The following ARMC8 variants were observed in gnomAD, a reference collection of about 807,000 sequenced individuals.
ARMC8 encodes armadillo repeat-containing protein 8.
In ARMC8, 20 loss-of-function variants were observed where a neutral mutation model predicts 99.3. The observed-to-expected ratio is 0.20, with a 90% CI of 0.14 to 0.29. The LOEUF (loss-of-function observed/expected upper bound fraction) is 0.29. Among genes scored for constraint, ARMC8 ranks in the 10% least tolerant of loss-of-function variants. The pLI, the probability that ARMC8 is intolerant of heterozygous loss-of-function variation, is 1.00. For synonymous variants in ARMC8, 263 were observed against 278.3 expected, an observed-to-expected ratio of 0.95 and a Z score of 0.55; for missense variants, 569 against 809.5, an observed-to-expected ratio of 0.70 and a Z score of 3.60.
At chr3:138,287,566 T>G in intron 19 of ARMC8, 1 of 453,580 alleles carries the variant, frequency 2.2e-6, no homozygotes, top group Non-Finnish European at 4.4e-6. Context: ...AGCTCATTTA[T>G]TCAACAAATA....
At chr3:138,285,710 C>G (rs1198514320) in intron 19 of ARMC8, among the ~76,000 whole-genome samples, 1 of 152,166 alleles carries the variant, frequency 6.6e-6, no homozygotes, top group Admixed American at 6.5e-5. Flanking sequence ...AGCGTAAGTT[C>G]CATGAGGGCA....
chr3:138,245,554 C>T, intron 12 of ARMC8: 1 of 1,086,156 alleles, frequency 9.2e-7, no homozygotes, highest in Non-Finnish European at 1.1e-6. Flanking sequence ...TATGGAAATA[C>T]CTTCCAATGC....
intron 1 of ARMC8, among the ~76,000 whole-genome samples, chr3:138,193,304 G>A (rs1463411258): frequency 6.7e-6 from 1 of 148,398 alleles, no homozygotes; most frequent in South Asian, 2.2e-4. Context: ...TCTGTCATCC[G>A]GGCTGGAGTG....
At chr3:138,274,868 A>G (rs2049127050) in intron 18 of ARMC8, among the ~76,000 whole-genome samples, 1 of 152,196 alleles carries the variant, frequency 6.6e-6, no homozygotes, top group African/African-American at 2.4e-5. Flanking sequence ...TTCCAGGATA[A>G]ATAAATAGTG....
chr3:138,223,948 A>T (rs143695605), intron 5 of ARMC8, among the ~76,000 whole-genome samples: 539 of 142,684 alleles, frequency 3.8e-3, no homozygotes, highest in African/African-American at 0.012. Context: ...ACATAACAAG[A>T]CTCCATCTCT....
intron 11 of ARMC8, 87 bp downstream of exon 11, chr3:138,242,070 A>G: frequency 1.9e-6 from 2 of 1,048,926 alleles, no homozygotes; most frequent in Non-Finnish European, 2.9e-6. Flanking sequence ...ATTGATAACT[A>G]CAGCTTAAAG....
intron 5 of ARMC8, among the ~76,000 whole-genome samples, chr3:138,227,751 G>A (rs1265634994): frequency 6.6e-6 from 1 of 152,076 alleles, no homozygotes; most frequent in Non-Finnish European, 1.5e-5. Flanking sequence ...GTGGACCAGT[G>A]GCATCAGCCT....
intron 17 of ARMC8, among the ~76,000 whole-genome samples, chr3:138,273,897 A>G (rs567344303): frequency 1.3e-5 from 2 of 150,538 alleles, no homozygotes; most frequent in East Asian, 2.0e-4. Context: ...GGTCATTGCA[A>G]CCTCCACTTC....
At chr3:138,239,821 A>C (rs1163891014) in intron 10 of ARMC8, among the ~76,000 whole-genome samples, 1 of 152,158 alleles carries the variant, frequency 6.6e-6, no homozygotes, top group Non-Finnish European at 1.5e-5. Context: ...CAGGTGAAAC[A>C]GAAAATATAT....
intron 2 of ARMC8, among the ~76,000 whole-genome samples, chr3:138,221,562 C>G (rs2045395786): frequency 6.6e-6 from 1 of 151,934 alleles, no homozygotes. Context: ...GTTCTGTGGG[C>G]TGTTTTTTCT....
chr3:138,240,651 T>C (rs561811051), intron 10 of ARMC8, among the ~76,000 whole-genome samples: 2 of 152,318 alleles, frequency 1.3e-5, no homozygotes, highest in African/African-American at 4.8e-5. Context: ...ACTAGCCTAA[T>C]AGGAAATTAG....
chr3:138,191,992 A>G (rs372822383), intron 1 of ARMC8, among the ~76,000 whole-genome samples: 2 of 152,210 alleles, frequency 1.3e-5, no homozygotes, highest in East Asian at 1.9e-4. Context: ...AACTTTTCAT[A>G]TCTCTGAGCT....
chr3:138,187,447 C>T lies in ARMC8; in HGVS notation c.-108C>T. The stretch of plus-strand genomic sequence containing the variant: ...TGTCCAGAGCGTGGCCAGTTCTCGT[C>T]TATCTGGCTGCCTTTAGGGAGCGGT... On this transcript the variant is annotated 5_prime_UTR_variant, in exon 1 of 22. Coordinates refer to ENST00000469044, the MANE Select transcript of ARMC8 (RefSeq NM_001363941.2). The T allele has an allele frequency of 8.4e-7, 1 of 1,187,574 alleles. No homozygotes were observed. Among genetic ancestry groups the T allele is most frequent in the South Asian group, 1.3e-5 (1 of 74,448 alleles). 73.6% of individuals were successfully genotyped at this position (1,187,574 alleles called of 1,614,324 possible).
intron 1 of ARMC8, chr3:138,188,594 C>T (rs1312591475): frequency 5.0e-6 from 8 of 1,603,862 alleles, no homozygotes; most frequent in Non-Finnish European, 3.4e-6. Context: ...GATTGACCAT[C>T]TTTTAGACTT....
At chr3:138,254,158 T>G (rs901648410) in intron 12 of ARMC8, among the ~76,000 whole-genome samples, 2 of 152,230 alleles carry the variant, frequency 1.3e-5, no homozygotes, top group Admixed American at 6.5e-5. Flanking sequence ...TGTATCAAGG[T>G]GCTATTTTAG....
At chr3:138,264,412 C>CTTTTTTTTTTT (rs11298899) in intron 14 of ARMC8, among the ~76,000 whole-genome samples, 200 bp downstream of exon 14, 23 of 48,626 alleles carry the variant, frequency 4.7e-4, no homozygotes, top group South Asian at 1.2e-3. Flanking sequence ...GATTTTCTTT[C>CTTTTTTTTTTT]TTTTTTTTTT....
intron 12 of ARMC8, among the ~76,000 whole-genome samples, chr3:138,257,220 T>A (rs529271580): frequency 6.6e-6 from 1 of 152,362 alleles, no homozygotes; most frequent in East Asian, 1.9e-4. Flanking sequence ...CTTACTTGAT[T>A]CGTGGAATAC....
intron 1 of ARMC8, chr3:138,188,611 G>C (rs1285109620): frequency 3.2e-6 from 5 of 1,563,510 alleles, no homozygotes; most frequent in Non-Finnish European, 4.4e-6. Flanking sequence ...ACTTGTGGAA[G>C]CCAGTCTGAT....
At chr3:138,225,388 C>T (rs961964322) in intron 5 of ARMC8, among the ~76,000 whole-genome samples, 8 of 152,128 alleles carry the variant, frequency 5.3e-5, no homozygotes, top group South Asian at 2.1e-4. Flanking sequence ...GGATTACAGG[C>T]GTGTGAGCCA....
Sources: gnomAD v4.1 joint callset for allele counts (sites outside exome capture counted in the v4.1 genomes callset) on GRCh38, gnomAD v4.1.1 for gene constraint, MANE v1.5 for transcripts, NCBI Gene and HGNC (gene_info 2026-07-23, HGNC 2026-07-21) for gene names.